Variants in TRIP12 observed in about 807,000 individuals in gnomAD.
The protein encoded by TRIP12 is E3 ubiquitin-protein ligase TRIP12.
Under a neutral mutation model 244.2 loss-of-function variants are expected in TRIP12, and 25 were observed. That is an observed-to-expected ratio of 0.10 (90% CI 0.07 to 0.14). TRIP12 has a LOEUF of 0.14. TRIP12 is among the 10% of genes least tolerant of loss of function. TRIP12 has a pLI of 1.00. For synonymous variants in TRIP12, 905 were observed against 873.1 expected (o/e 1.04, Z -0.64); for missense variants, 1,677 against 2,486.4 (o/e 0.67, Z 6.92).
intron 21 of TRIP12, among the ~76,000 whole-genome samples, chr2:229,801,974 CA>C (rs1200379239): frequency 1.3e-5 from 2 of 152,126 alleles, no homozygotes; most frequent in African/African-American, 4.8e-5. Context: ...CTACAAGTAA[CA>C]TAAGTGTGTA....
At chr2:229,807,600 A>T in intron 17 of TRIP12, 108 bp downstream of exon 17, 2 of 1,344,280 alleles carry the variant, frequency 1.5e-6, no homozygotes, top group Non-Finnish European at 1.1e-6. Flanking sequence ...ATCTTGAGTT[A>T]ATTCAAAATC....
intron 1 of TRIP12, among the ~76,000 whole-genome samples, chr2:229,888,201 T>C (rs1439620720): frequency 6.6e-6 from 1 of 152,176 alleles, no homozygotes; most frequent in Non-Finnish European, 1.5e-5. Flanking sequence ...GTACATTTAG[T>C]GTTAATCATA....
chr2:229,888,601 C>T (rs779519909), intron 1 of TRIP12, among the ~76,000 whole-genome samples: 9 of 151,920 alleles, frequency 5.9e-5, no homozygotes, highest in Non-Finnish European at 1.2e-4. Flanking sequence ...TAGAAAATGG[C>T]GAGAGCAGCC....
chr2:229,870,131 T>C (rs1190213694), intron 2 of TRIP12, among the ~76,000 whole-genome samples: 2 of 152,230 alleles, frequency 1.3e-5, no homozygotes, highest in African/African-American at 4.8e-5. Context: ...ACAGAGTAAC[T>C]ACCCATCAAA....
chr2:229,913,869 C>G (rs972433029), intron 1 of TRIP12, among the ~76,000 whole-genome samples: 2 of 152,182 alleles, frequency 1.3e-5, no homozygotes, highest in South Asian at 4.1e-4. Context: ...TAAGACAGAA[C>G]GTGAAAGTCA....
At chr2:229,879,622 T>C (rs1352958567) in intron 2 of TRIP12, among the ~76,000 whole-genome samples, 1 of 152,220 alleles carries the variant, frequency 6.6e-6, no homozygotes, top group East Asian at 1.9e-4. Flanking sequence ...ATGAGGCCTC[T>C]TTTCCATAAA....
chr2:229,837,409 TG>T (rs1485795026), intron 5 of TRIP12, among the ~76,000 whole-genome samples: 1 of 152,034 alleles, frequency 6.6e-6, no homozygotes, highest in African/African-American at 2.4e-5. Context: ...CTGAGGCAGG[TG>T]GATCACCTGA....
At chr2:229,894,562 T>C (rs2068251816) in intron 1 of TRIP12, 1 of 152,058 alleles carries the variant, frequency 6.6e-6, no homozygotes, top group Admixed American at 6.6e-5. Context: ...GCTGGGAAAG[T>C]TGCCTTGTTG....
chr2:229,867,192 TACTC>T (rs1185807653), intron 2 of TRIP12, among the ~76,000 whole-genome samples: 5 of 124,420 alleles, frequency 4.0e-5, no homozygotes, highest in Admixed American at 9.6e-5. Context: ...TTGAGACAGA[TACTC>T]ACTCTGTCAC....
chr2:229,893,804 G>C (rs139400263), intron 1 of TRIP12, among the ~76,000 whole-genome samples: 4 of 152,274 alleles, frequency 2.6e-5, no homozygotes, highest in African/African-American at 9.6e-5. Context: ...AATTAACTAA[G>C]AGTAGAATCA....
intron 13 of TRIP12, among the ~76,000 whole-genome samples, chr2:229,812,261 A>G (rs1056607438): frequency 4.6e-5 from 7 of 151,816 alleles, no homozygotes; most frequent in Admixed American, 2.0e-4. Context: ...TTTTATTTTT[A>G]GTACAGATGG....
At position 229,859,445 on chromosome 2, in the gene TRIP12, A is replaced by G; in HGVS notation, c.354T>C (p.Ala118=). The G allele has an allele frequency of 6.2e-7, 1 of 1,614,214 alleles. No homozygotes were observed. The highest frequency in any genetic ancestry group is 1.1e-5 in the South Asian group (1 of 91,082). The change falls in exon 4 of 42, where the codon GCT becomes GCC. Residue 118 remains alanine (A), a synonymous_variant. Transcript: ENST00000675903. ...KDNSRGVKRS[A]SPDYNRTNSP... ...AATTGGTCCTGTTGTAGTCTGGACT[A>G]GCACTGCGCTTCACTCCTCGAGAAT... is the stretch of plus-strand genomic sequence containing the variant.
At position 229,765,438 on chromosome 2, in the gene TRIP12, A is replaced by T. The variant is rs1008239148; in HGVS notation, c.*2116T>A. On this transcript the variant is annotated 3_prime_UTR_variant, in exon 42 of 42. Transcript: ENST00000675903. The stretch of plus-strand genomic sequence containing the variant: ...AACCAAAGGTCCCGTGTATTGAAGG[A>T]GGAATAAGCTAAAGGCTGAGGCTTT... The T allele has an allele frequency of 2.0e-5, 3 of 152,180 alleles. No homozygotes were observed. The highest frequency in any genetic ancestry group is 4.4e-5 in the Non-Finnish European group (3 of 68,032). 9.4% of individuals were successfully genotyped at this position (152,180 alleles called of 1,614,324 possible). A position where few individuals can be genotyped will look rare whatever the true frequency, so the allele number is the denominator to read the frequency against.
At chr2:229,799,196 G>A in intron 22 of TRIP12, 87 bp downstream of exon 22, 1 of 1,529,556 alleles carries the variant, frequency 6.5e-7, no homozygotes, top group Non-Finnish European at 9.0e-7. Flanking sequence ...CATACTTCAA[G>A]AGCTACTGGC....
chr2:229,897,781 C>A (rs2069306717), intron 1 of TRIP12, among the ~76,000 whole-genome samples: 1 of 152,252 alleles, frequency 6.6e-6, no homozygotes, highest in Non-Finnish European at 1.5e-5. Flanking sequence ...TTAGATGCCT[C>A]TGCAAGTGGG....
intron 6 of TRIP12, among the ~76,000 whole-genome samples, chr2:229,834,180 G>C (rs1256549396): frequency 6.6e-6 from 1 of 152,178 alleles, no homozygotes; most frequent in Non-Finnish European, 1.5e-5. Flanking sequence ...TGAAAATACT[G>C]GAGAGATGTT....
intron 2 of TRIP12, among the ~76,000 whole-genome samples, chr2:229,873,758 A>G (rs2063105878): frequency 6.6e-6 from 1 of 152,162 alleles, no homozygotes; most frequent in African/African-American, 2.4e-5. Context: ...AAAATAATAA[A>G]TAGAAGGCTA....
chr2:229,819,040 C>CCCCA (rs1463982554), intron 8 of TRIP12, among the ~76,000 whole-genome samples: 3 of 133,962 alleles, frequency 2.2e-5, no homozygotes, highest in African/African-American at 5.8e-5. Context: ...AAAATAAAAA[C>CCCCA]CACACACACA....
intron 8 of TRIP12, among the ~76,000 whole-genome samples, chr2:229,819,104 C>T (rs1031275349): frequency 2.0e-5 from 3 of 146,654 alleles, no homozygotes; most frequent in Admixed American, 6.9e-5. Flanking sequence ...ACCCTTGCAT[C>T]CTCTTTCATT....
Sources: gnomAD v4.1 joint callset for allele counts (sites outside exome capture counted in the v4.1 genomes callset) on GRCh38, gnomAD v4.1.1 for gene constraint, MANE v1.5 for transcripts, NCBI Gene and HGNC (gene_info 2026-07-23, HGNC 2026-07-21) for gene names.